The following PRELID2 variants were observed in gnomAD, a reference collection of about 807,000 sequenced individuals.
PRELID2 encodes the protein PRELI domain-containing protein 2.
A neutral mutation model predicts 28.4 loss-of-function variants in PRELID2; 25 were observed. That is an observed-to-expected ratio of 0.88 (90% CI 0.64 to 1.23). PRELID2 has a LOEUF of 1.23. Among genes scored for constraint, PRELID2 ranks in the 50% most tolerant of loss-of-function variants. The pLI, the probability that PRELID2 is intolerant of heterozygous loss-of-function variation, is 0.00. For synonymous variants in PRELID2, 76 were observed against 71.6 expected, an observed-to-expected ratio of 1.06 and a Z score of -0.31; for missense variants, 201 against 214.4, an observed-to-expected ratio of 0.94 and a Z score of 0.39.
At chr5:145,801,378 C>A (rs542989729) in intron 4 of PRELID2, among the ~76,000 whole-genome samples, 2 of 152,234 alleles carry the variant, frequency 1.3e-5, no homozygotes, top group South Asian at 4.2e-4. Context: ...TTTCTCCCCA[C>A]CCTGTACTTG....
At chr5:145,741,449 A>C (rs1581124528) in intron 1 of PRELID2, among the ~76,000 whole-genome samples, 2 of 96,302 alleles carry the variant, frequency 2.1e-5, no homozygotes, top group Admixed American at 3.0e-4. Context: ...ATTTATTTAT[A>C]AATAATTTAT....
chr5:145,293,783 G>A, the PRELID2 span, among the ~76,000 whole-genome samples: 1 of 152,150 alleles, frequency 6.6e-6, no homozygotes, highest in Admixed American at 6.6e-5. Flanking sequence ...GTTAGATCAA[G>A]ACAATGAGGC....
chr5:145,280,170 T>G, the PRELID2 span, among the ~76,000 whole-genome samples: 1 of 152,154 alleles, frequency 6.6e-6, no homozygotes, highest in Non-Finnish European at 1.5e-5. Flanking sequence ...ATGAGTTTGT[T>G]TGAAACATGC....
At chr5:145,568,539 T>C (rs1360388051) in intron 1 of PRELID2, among the ~76,000 whole-genome samples, 3 of 152,214 alleles carry the variant, frequency 2.0e-5, no homozygotes, top group Non-Finnish European at 2.9e-5. Context: ...TGGTTTTATA[T>C]TATTTACTAT....
At chr5:145,305,048 T>C in the PRELID2 span, among the ~76,000 whole-genome samples, 1 of 152,196 alleles carries the variant, frequency 6.6e-6, no homozygotes, top group African/African-American at 2.4e-5. Flanking sequence ...CCATGAATGA[T>C]GGCAGATTGA....
chr5:145,277,081 C>A, the PRELID2 span, among the ~76,000 whole-genome samples: 1 of 151,988 alleles, frequency 6.6e-6, no homozygotes, highest in African/African-American at 2.4e-5. Context: ...TTTGAGGGTA[C>A]CTTCTCTGTG....
At chr5:145,618,004 A>G (rs1247346866) in intron 1 of PRELID2, among the ~76,000 whole-genome samples, 3 of 152,132 alleles carry the variant, frequency 2.0e-5, no homozygotes, top group Non-Finnish European at 4.4e-5. Context: ...AAGTGCTGGG[A>G]TTACAGATGT....
chr5:145,632,631 A>G (rs1396718064), intron 1 of PRELID2, among the ~76,000 whole-genome samples: 1 of 152,208 alleles, frequency 6.6e-6, no homozygotes, highest in African/African-American at 2.4e-5. Context: ...GCCTGTAGAA[A>G]GAATCTGGTA....
chr5:145,826,538 G>T (rs879630970), intron 1 of PRELID2, among the ~76,000 whole-genome samples: 2 of 152,140 alleles, frequency 1.3e-5, no homozygotes, highest in Non-Finnish European at 2.9e-5. Context: ...TTCACAGAAC[G>T]TGTAAACTAA....
intron 1 of PRELID2, among the ~76,000 whole-genome samples, chr5:145,674,840 CAGG>C (rs1334053404): frequency 6.6e-6 from 1 of 151,858 alleles, no homozygotes; most frequent in Non-Finnish European, 1.5e-5. Context: ...CCAGCTGAAG[CAGG>C]AGGATCACTT....
At chr5:145,804,097 G>A (rs907679427) in intron 4 of PRELID2, among the ~76,000 whole-genome samples, 1 of 152,114 alleles carries the variant, frequency 6.6e-6, no homozygotes, top group Non-Finnish European at 1.5e-5. Context: ...TATTAACAAT[G>A]AGCATCAACA....
intron 1 of PRELID2, among the ~76,000 whole-genome samples, chr5:145,747,879 A>G (rs952398927): frequency 6.6e-6 from 1 of 152,244 alleles, no homozygotes; most frequent in African/African-American, 2.4e-5. Flanking sequence ...AACAAAATCC[A>G]TCACATAAAC....
At chr5:145,731,132 C>A (rs1358231933) in intron 1 of PRELID2, among the ~76,000 whole-genome samples, 2 of 152,224 alleles carry the variant, frequency 1.3e-5, no homozygotes, top group Non-Finnish European at 2.9e-5. Context: ...TTAACTCTTA[C>A]ATGTTCTACA....
chr5:145,565,238 T>C (rs1752955108), intron 1 of PRELID2, among the ~76,000 whole-genome samples: 1 of 152,216 alleles, frequency 6.6e-6, no homozygotes, highest in Non-Finnish European at 1.5e-5. Context: ...CAAGCCTGTG[T>C]CCAGCAAAGG....
At chr5:145,734,716 A>C (rs1395860002) in intron 1 of PRELID2, among the ~76,000 whole-genome samples, 1 of 152,188 alleles carries the variant, frequency 6.6e-6, no homozygotes, top group Non-Finnish European at 1.5e-5. Context: ...GGACTATGCT[A>C]ATTATTTTTA....
At chr5:145,754,349 T>G (rs940384319), downstream of PRELID2, 1 of 152,238 alleles carries the variant, frequency 6.6e-6, no homozygotes, top group Admixed American at 6.5e-5. Context: ...GTGCATCCTA[T>G]GCTAATTTTT....
chr5:145,260,692 T>C, the PRELID2 span, among the ~76,000 whole-genome samples: 1 of 152,158 alleles, frequency 6.6e-6, no homozygotes, highest in Non-Finnish European at 1.5e-5. Context: ...AAATGGTAGA[T>C]AGGAGGCAGG....
chr5:145,553,166 T>C (rs1481862858), intron 1 of PRELID2, among the ~76,000 whole-genome samples: 2 of 148,658 alleles, frequency 1.3e-5, no homozygotes, highest in African/African-American at 2.5e-5. Context: ...TTGAAATATA[T>C]ACCAGTTGCT....
chr5:145,667,367 G>A (rs1754615440), intron 1 of PRELID2, among the ~76,000 whole-genome samples: 1 of 152,010 alleles, frequency 6.6e-6, no homozygotes, highest in Admixed American at 6.6e-5. Context: ...TGTATATTTT[G>A]ATAACAAAGG....
Sources: allele counts gnomAD v4.1 joint callset (sites outside exome capture counted in the v4.1 genomes callset), GRCh38; gene constraint gnomAD v4.1.1; transcripts MANE v1.5; gene names NCBI Gene and HGNC (gene_info 2026-07-23, HGNC 2026-07-21).